The following BRCA1 variants were observed in gnomAD, a reference collection of about 807,000 sequenced individuals.
BRCA1 encodes the protein BRCA1 DNA repair associated.
Under a neutral mutation model 173.7 loss-of-function variants are expected in BRCA1, and 140 were observed. The observed-to-expected ratio is 0.81, with a 90% CI of 0.70 to 0.93. The LOEUF (loss-of-function observed/expected upper bound fraction) is 0.93, where lower values mean the gene tolerates loss of function less well. Ranked by LOEUF, BRCA1 falls within the 40% of genes least tolerant of loss-of-function variation. The probability of loss-of-function intolerance (pLI) is 0.00; values close to 1 mark genes in which losing one functional copy is unlikely to be tolerated. For missense variants in BRCA1, 1,983 were observed against 2,172.5 expected, an observed-to-expected ratio of 0.91 and a Z score of 1.73; for synonymous variants, 662 against 756.0, an observed-to-expected ratio of 0.88 and a Z score of 2.04.
intron 2 of BRCA1, among the ~76,000 whole-genome samples, chr17:43,122,524 C>T (rs1597920812): frequency 6.6e-6 from 1 of 152,092 alleles, no homozygotes; most frequent in Non-Finnish European, 1.5e-5. Flanking sequence ...TATGGAGAAG[C>T]AGCAGGAATA....
chr17:43,091,439 G>A lies in BRCA1; in HGVS notation c.4092C>T (p.Asn1364=), dbSNP rs786201566. 1 of 1,613,904 alleles carries A rather than the reference G, an allele frequency of 6.2e-7. No individual in the cohort carries two copies. Among genetic ancestry groups the A allele is most frequent in the Non-Finnish European group, 8.5e-7 (1 of 1,179,958 alleles). ...NNQEEQSMDS[N]LGEAASGCES... ...ACAAAAACCTGGTTCCAATACCTAA[G>A]TTTGAATCCATGCTTTGCTCTTCTT... Residue 1364 remains asparagine, a synonymous_variant, in exon 10 of 23, where the codon AAC becomes AAT. Transcript: ENST00000357654.
At chr17:43,101,209 T>A (rs953864088) in intron 6 of BRCA1, among the ~76,000 whole-genome samples, 1 of 151,848 alleles carries the variant, frequency 6.6e-6, no homozygotes, top group African/African-American at 2.4e-5. Flanking sequence ...TTTATTTGTA[T>A]TTTTTTAGAC....
In BRCA1 at chr17:43,097,354, T is replaced by C; in HGVS notation, c.548-65A>G. The stretch of plus-strand genomic sequence containing the variant: ...TTCTTAATTAAAAGGGTTAAAAAAA[T>C]GTACTTGTTGAAAAACAGATATTCA... On this transcript the variant is annotated intron_variant, in intron 7 of 22. Coordinates refer to ENST00000357654, the MANE Select transcript of BRCA1 (RefSeq NM_007294.4). 4 of 1,215,252 alleles carry C rather than the reference T, an allele frequency of 3.3e-6. No individual in the cohort carries two copies. In the South Asian group the frequency reaches 4.9e-5, roughly 15 times the overall value. The allele number at this position is 1,215,252 out of a possible 1,614,324, so 75.3% of individuals were successfully genotyped here.
At chr17:43,144,973 C>T in intron 1 of BRCA1, 2 of 627,504 alleles carry the variant, frequency 3.2e-6, no homozygotes, top group South Asian at 2.9e-5. Context: ...AGAAAAAGGT[C>T]AGCTCCACCG....
chr17:43,098,939 T>A (rs566056815), intron 7 of BRCA1, among the ~76,000 whole-genome samples: 2 of 150,798 alleles, frequency 1.3e-5, no homozygotes, highest in Admixed American at 6.6e-5. Flanking sequence ...TGCCTCAGCC[T>A]CCTGAGTAGC....
In BRCA1 at chr17:43,045,732, C is replaced by G. The variant is rs80356849; in HGVS notation, c.5538G>C (p.Gln1846His). 3 of 1,613,844 alleles carry G rather than the reference C, an allele frequency of 1.9e-6. No homozygotes were observed. In the African/African-American group the frequency reaches 4.0e-5, roughly 22 times the overall value. ...TCAGGTAGGTGTCCAGCTCCTGGCA[C>G]TGGTAGAGTGCTACACTGTCCAACA... ...EWVLDSVALY[Q>H]CQELDTYLIP... The change falls in exon 23 of 23, where the codon CAG becomes CAC. Residue 1846 changes from glutamine (Q) to histidine (H), a missense_variant. Gln to His is a conservative substitution (Grantham distance 24). Transcript: ENST00000357654.
rs147838900 is a variant in BRCA1 at position 43,062,593 on chromosome 17, C to T, written c.5193+740G>A. On this transcript the variant is annotated intron_variant, in intron 18 of 22. Transcript: ENST00000357654. The stretch of plus-strand genomic sequence containing the variant: ...TGAGAACAGAGGATATCCTGGTTTG[C>T]GCTGCAAAATTTTTTTTTTTTTTAA... 2.0e-4 allele frequency among the ~76,000 whole-genome samples: 31 copies of T among 152,012 alleles called. No homozygotes were observed. In the East Asian group the frequency reaches 2.3e-3, roughly 11 times the overall value.
At chr17:43,104,707 G>C (rs2054660690) in intron 5 of BRCA1, among the ~76,000 whole-genome samples, 161 bp downstream of exon 5, 1 of 152,200 alleles carries the variant, frequency 6.6e-6, no homozygotes, top group Non-Finnish European at 1.5e-5. Context: ...TAAGGTGTGA[G>C]ACCAGTGGGA....
At chr17:43,160,482 GTAAT>G (rs2056229155) in intron 1 of BRCA1, 1 of 152,104 alleles carries the variant, frequency 6.6e-6, no homozygotes. Context: ...GCACGCACCA[GTAAT>G]TAGATTGGAA....
intron 1 of BRCA1, chr17:43,163,546 T>C (rs1453745759): frequency 6.6e-6 from 1 of 152,250 alleles, no homozygotes; most frequent in Non-Finnish European, 1.5e-5. Flanking sequence ...TAAATAGACA[T>C]GAGAGTCGAA....
intron 19 of BRCA1, among the ~76,000 whole-genome samples, chr17:43,056,667 C>T (rs1020060073): frequency 6.7e-6 from 1 of 148,284 alleles, no homozygotes; most frequent in African/African-American, 2.5e-5. Flanking sequence ...AGTGAGACTC[C>T]GTCTTGGGAA....
At chr17:43,102,896 C>T (rs1194279976) in intron 6 of BRCA1, among the ~76,000 whole-genome samples, 1 of 152,016 alleles carries the variant, frequency 6.6e-6, no homozygotes, top group East Asian at 1.9e-4. Context: ...CTCAGGCAAT[C>T]CTCAAGCCTC....
At chr17:43,069,285 T>C (rs1251432403) in intron 15 of BRCA1, among the ~76,000 whole-genome samples, 5 of 152,240 alleles carry the variant, frequency 3.3e-5, no homozygotes, top group African/African-American at 1.2e-4. Flanking sequence ...AAGATCATCT[T>C]AATATGGGCT....
rs398122700 is a variant in BRCA1, at chr17:43,045,797, C to T, written c.5473G>A (p.Gly1825Arg). The T allele has an allele frequency of 6.2e-7, 1 of 1,613,490 alleles. No individual in the cohort carries two copies. Among genetic ancestry groups the T allele is most frequent in the South Asian group, 1.1e-5 (1 of 91,064 alleles). ...ACCACAGGTGCCTCACACATCTGCC[C>T]AATTGCTGGAGACAGAGAACACAAG... ...WTEDNGFHAIGQMCEAPVVTR... is the reference protein window; with the variant it reads ...WTEDNGFHAIRQMCEAPVVTR... The change falls in exon 23 of 23, where the codon GGG becomes AGG. Residue 1825 changes from glycine to arginine, a missense_variant. Physicochemically the swap from Gly to Arg is moderately radical, Grantham distance 125. Coordinates refer to ENST00000357654, the MANE Select transcript of BRCA1 (RefSeq NM_007294.4).
At chr17:43,149,247 C>T (rs1181820299) in intron 1 of BRCA1, among the ~76,000 whole-genome samples, 5 of 151,112 alleles carry the variant, frequency 3.3e-5, no homozygotes, top group African/African-American at 9.7e-5. Context: ...TACAGGTGCC[C>T]GCCACCACAC....
intron 1 of BRCA1, among the ~76,000 whole-genome samples, chr17:43,137,360 G>C (rs572148266): frequency 4.0e-5 from 6 of 151,396 alleles, no homozygotes; most frequent in Non-Finnish European, 8.8e-5. Flanking sequence ...ACACCAACAT[G>C]ACACGTGTAT....
intron 11 of BRCA1, among the ~76,000 whole-genome samples, chr17:43,084,200 T>G (rs1247587058): frequency 6.6e-6 from 1 of 152,156 alleles, no homozygotes; most frequent in Non-Finnish European, 1.5e-5. Context: ...CCAGCTAATT[T>G]TTTGTATTTT....
chr17:43,075,571 TTTTTG>T (rs1414797004), intron 13 of BRCA1, among the ~76,000 whole-genome samples: 1 of 152,080 alleles, frequency 6.6e-6, no homozygotes, highest in Non-Finnish European at 1.5e-5. Flanking sequence ...TCTCTTTTTT[TTTTTG>T]TTTTGAGACG....
In BRCA1 at chr17:43,094,054, T is replaced by G. The variant is rs2053933371; in HGVS notation, c.1477A>C (p.Ile493Leu). 6.2e-7 allele frequency: 1 copy of G among 1,614,110 alleles called. No homozygotes were observed. Among genetic ancestry groups the G allele is most frequent in the Non-Finnish European group, 8.5e-7 (1 of 1,179,994 alleles). Residue 493 changes from isoleucine to leucine, a missense_variant, in exon 10 of 23, where the codon ATA becomes CTA. By Grantham distance (5) the Ile-to-Leu change is conservative (BLOSUM62 2). Transcript: ENST00000357654. The part of the protein sequence containing the change: ...IGAFVTEPQI[I>L]QERPLTNKLK... ...TTATTTGTGAGGGGACGCTCTTGTA[T>G]TATCTGTGGCTCAGTAACAAATGCT...
Sources: gnomAD v4.1 joint callset for allele counts (sites outside exome capture counted in the v4.1 genomes callset) on GRCh38, gnomAD v4.1.1 for gene constraint, MANE v1.5 for transcripts, NCBI Gene and HGNC (gene_info 2026-07-23, HGNC 2026-07-21) for gene names.